The following ANKUB1 variants were observed in gnomAD, a reference collection of about 807,000 sequenced individuals.
ANKUB1 encodes the protein protein ANKUB1.
ANKUB1 carries 42 observed loss-of-function variants against 49.3 expected under a neutral mutation model. The ratio of observed to expected loss-of-function variants is 0.85; its 90% CI spans 0.67 to 1.10. The LOEUF (loss-of-function observed/expected upper bound fraction) is 1.10, where lower values mean the gene tolerates loss of function less well. ANKUB1 is among the 50% of genes least tolerant of loss of function. ANKUB1 has a pLI of 0.00. For synonymous variants in ANKUB1, 222 were observed against 231.0 expected (o/e 0.96, Z 0.35); for missense variants, 613 against 642.0 (o/e 0.95, Z 0.49).
intron 5 of ANKUB1, among the ~76,000 whole-genome samples, chr3:149,766,109 CT>C (rs1324376807): frequency 6.6e-6 from 1 of 152,100 alleles, no homozygotes; most frequent in Non-Finnish European, 1.5e-5. Context: ...CAAATAATAC[CT>C]CATAAGTAAT....
At chr3:149,791,071 T>A in intron 1 of ANKUB1, 147 bp from the exon 2 acceptor site, 1 of 688,882 alleles carries the variant, frequency 1.5e-6, no homozygotes, top group Non-Finnish European at 2.2e-6. Context: ...GGTTCTTAAC[T>A]TAGAGAACTT....
intron 2 of ANKUB1, among the ~76,000 whole-genome samples, chr3:149,785,227 A>T (rs1718040759): frequency 6.6e-6 from 1 of 152,164 alleles, no homozygotes; most frequent in Admixed American, 6.5e-5. Flanking sequence ...TCTTTTCCAA[A>T]GAAGGAAAAG....
chr3:149,772,084 G>A (rs994699951), intron 3 of ANKUB1, among the ~76,000 whole-genome samples: 5 of 149,804 alleles, frequency 3.3e-5, no homozygotes, highest in Middle Eastern at 6.8e-3. Context: ...GGGTGCAGTG[G>A]CACAATCTTG....
chr3:149,785,336 G>A (rs1718043842), intron 2 of ANKUB1, among the ~76,000 whole-genome samples: 1 of 152,070 alleles, frequency 6.6e-6, no homozygotes, highest in South Asian at 2.1e-4. Context: ...ATGTATACAT[G>A]TGCCATGTTG....
At chr3:149,769,047 A>G (rs558295753) in intron 4 of ANKUB1, among the ~76,000 whole-genome samples, 1 of 152,360 alleles carries the variant, frequency 6.6e-6, no homozygotes, top group East Asian at 1.9e-4. Context: ...AAAAAGAAAT[A>G]TCACTACCCC....
At chr3:149,788,823 C>T (rs1718228460) in intron 2 of ANKUB1, among the ~76,000 whole-genome samples, 1 of 152,070 alleles carries the variant, frequency 6.6e-6, no homozygotes, top group African/African-American at 2.4e-5. Flanking sequence ...ATCACCTAGG[C>T]TGGAGTACAG....
At chr3:149,788,439 T>C (rs1311300514) in intron 2 of ANKUB1, among the ~76,000 whole-genome samples, 2 of 151,958 alleles carry the variant, frequency 1.3e-5, no homozygotes, top group Non-Finnish European at 1.5e-5. Context: ...CTGGGTTCAA[T>C]TGATCCTCCC....
chr3:149,785,892 T>C (rs1339806835), intron 2 of ANKUB1, among the ~76,000 whole-genome samples: 2 of 152,210 alleles, frequency 1.3e-5, no homozygotes, highest in African/African-American at 4.8e-5. Context: ...GTAAAAGTGT[T>C]CTTATTTCTC....
intron 3 of ANKUB1, chr3:149,778,602 T>C (rs894371621): frequency 5.3e-5 from 8 of 152,210 alleles, no homozygotes; most frequent in Non-Finnish European, 1.2e-4. Context: ...CCCTTCCTTA[T>C]GTGAGCCCCC....
intron 5 of ANKUB1, among the ~76,000 whole-genome samples, chr3:149,765,102 G>A (rs1716956976): frequency 6.6e-6 from 1 of 152,084 alleles, no homozygotes. Context: ...AATAAATTAG[G>A]ATATGGAATA....
At chr3:149,766,446 G>GT (rs1299441305) in intron 5 of ANKUB1, among the ~76,000 whole-genome samples, 3 of 152,012 alleles carry the variant, frequency 2.0e-5, no homozygotes, top group African/African-American at 7.3e-5. Flanking sequence ...TACAATTAAT[G>GT]TTTTATTAGC....
intron 5 of ANKUB1, among the ~76,000 whole-genome samples, chr3:149,766,213 C>A (rs1717007101): frequency 6.6e-6 from 1 of 152,122 alleles, no homozygotes; most frequent in Non-Finnish European, 1.5e-5. Flanking sequence ...TAAGGATTAC[C>A]TTTTAACTCA....
chr3:149,764,948 G>A (rs1716947949), intron 5 of ANKUB1, among the ~76,000 whole-genome samples: 2 of 151,926 alleles, frequency 1.3e-5, no homozygotes, highest in South Asian at 4.1e-4. Context: ...CTATGACCCG[G>A]CAATTCTATT....
At chr3:149,768,751 C>T in intron 4 of ANKUB1, among the ~76,000 whole-genome samples, 1 of 152,064 alleles carries the variant, frequency 6.6e-6, no homozygotes, top group East Asian at 1.9e-4. Context: ...CTACGTTGGC[C>T]ACGCTGGTGT....
At chr3:149,785,879 A>G (rs540823592) in intron 2 of ANKUB1, among the ~76,000 whole-genome samples, 1 of 152,306 alleles carries the variant, frequency 6.6e-6, no homozygotes, top group East Asian at 1.9e-4. Flanking sequence ...TCCCACCAAC[A>G]GTGTAAAAGT....
intron 5 of ANKUB1, chr3:149,764,125 A>C (rs1716891055): frequency 1.6e-5 from 7 of 432,752 alleles, no homozygotes; most frequent in South Asian, 1.2e-4. Context: ...CCATCAAGAT[A>C]GCGTCCATCC....
At position 149,761,377 on chromosome 3, in the gene ANKUB1, C is replaced by G; in HGVS notation, c.*107G>C. ...TATTAAAAGTTATGTGGCATTATAA[C>G]TGTTACTAGAGATGATAACATTAGA... On this transcript the variant is annotated 3_prime_UTR_variant, in exon 6 of 6. Transcript: ENST00000446160. The G allele has an allele frequency of 7.7e-7, 1 of 1,296,886 alleles. No homozygotes were observed. The highest frequency in any genetic ancestry group is 1.0e-6 in the Non-Finnish European group (1 of 956,256). 80.3% of individuals were successfully genotyped at this position (1,296,886 alleles called of 1,614,324 possible).
At chr3:149,770,490 T>C (rs760675939) in intron 4 of ANKUB1, 70 bp downstream of exon 4, 8 of 1,170,918 alleles carry the variant, frequency 6.8e-6, no homozygotes, top group African/African-American at 3.1e-5. Flanking sequence ...AATTGCAGGC[T>C]CAAGGTATGA....
intron 2 of ANKUB1, among the ~76,000 whole-genome samples, chr3:149,788,949 A>G (rs1718234359): frequency 6.6e-6 from 1 of 151,510 alleles, no homozygotes; most frequent in East Asian, 1.9e-4. Flanking sequence ...TAATTTTTGT[A>G]TTTTTATTGG....
Sources: gnomAD v4.1 joint callset for allele counts (sites outside exome capture counted in the v4.1 genomes callset) on GRCh38, gnomAD v4.1.1 for gene constraint, MANE v1.5 for transcripts, NCBI Gene and HGNC (gene_info 2026-07-23, HGNC 2026-07-21) for gene names.